Variants in PAPLN observed in about 807,000 individuals in gnomAD.
PAPLN encodes the protein papilin.
PAPLN carries 146 observed loss-of-function variants against 159.0 expected under a neutral mutation model. The observed-to-expected ratio is 0.92, with a 90% CI of 0.80 to 1.05. The LOEUF is 1.05. Ranked by LOEUF, PAPLN falls within the 50% of genes least tolerant of loss-of-function variation. The pLI is 0.00. For synonymous variants in PAPLN, 734 were observed against 702.9 expected (o/e 1.04, Z -0.70); for missense variants, 1,720 against 1,743.9 (o/e 0.99, Z 0.24).
At chr14:73,263,578 A>G in intron 19 of PAPLN, 67 bp from the exon 20 acceptor site, 1 of 1,601,788 alleles carries the variant, frequency 6.2e-7, no homozygotes, top group Non-Finnish European at 8.5e-7. Flanking sequence ...CATGGAACAC[A>G]CTGCTTAGGG....
rs1008320687 is a variant in PAPLN, at chr14:73,256,043, G to T, written c.1627+1025G>T. ...GGAAGGGGTGGTGGTGAGGCCTTGT[G>T]GGGGAGCTCGGCCATCCGGAGGGCC... On this transcript the variant is annotated intron_variant, in intron 14 of 26. Transcript: ENST00000644200. Among the ~76,000 whole-genome samples the T allele has an allele frequency of 3.3e-5, 5 of 152,204 alleles. No individual in the cohort carries two copies. In the South Asian group the frequency reaches 6.2e-4, roughly 19 times the overall value.
In PAPLN at chr14:73,262,827, G is replaced by A. The variant is rs1302864829; in HGVS notation, c.2723G>A (p.Arg908Lys). ...PAPPFHSSSY[R>K]ISLAGVEPSL... is the part of the protein sequence containing the mutation. ...CCACCCTTCCACAGCTCCTCCTACA[G>A]GTGAGGCCCACCTTCCCCAGGTGAG... Residue 908 changes from arginine (R) to lysine (K), a missense_variant and splice_region_variant, in exon 19 of 27, where the codon AGG becomes AAG. By Grantham distance (26) the Arg-to-Lys change is conservative (BLOSUM62 2). Coordinates refer to ENST00000644200, the MANE Select transcript of PAPLN (RefSeq NM_001365906.3). 6.8e-7 allele frequency: 1 copy of A among 1,469,868 alleles called. No individual in the cohort carries two copies. Among genetic ancestry groups the A allele is most frequent in the Non-Finnish European group, 9.0e-7 (1 of 1,112,830 alleles). The allele number at this position is 1,469,868 out of a possible 1,614,324, so 91.1% of individuals were successfully genotyped here. A position where few individuals can be genotyped will look rare whatever the true frequency, so the allele number is the denominator to read the frequency against.
chr14:73,245,913 C>G lies in PAPLN; in HGVS notation c.232-160C>G, dbSNP rs1321426862. 2.3e-6 allele frequency: 2 copies of G among 877,528 alleles called. No homozygotes were observed. Among genetic ancestry groups the G allele is most frequent in the Non-Finnish European group, 3.4e-6 (2 of 593,436 alleles). 54.4% of individuals were successfully genotyped at this position (877,528 alleles called of 1,614,324 possible). A position where few individuals can be genotyped will look rare whatever the true frequency, so the allele number is the denominator to read the frequency against. ...CAGCCTAGAGCACCATGGAGGGGCA[C>G]GCACAGGAGTTCGGGGGTCCGGGGG... On this transcript the variant is annotated intron_variant, in intron 4 of 26. Transcript: ENST00000644200. This position sits in a 1 kb window ranked among gnomAD's most constrained non-coding sequence, Gnocchi z 4.2.
chr14:73,254,590 C>T lies in PAPLN; in HGVS notation c.1380C>T (p.Thr460=), dbSNP rs200510647. Residue 460 remains threonine (T), a synonymous_variant, in exon 13 of 27, where the codon ACC becomes ACT. Coordinates refer to ENST00000644200, the MANE Select transcript of PAPLN (RefSeq NM_001365906.3). ...GTGAAAGGGGTTCTTTGCTCCATAC[C>T]GCAGCGTGCTCCTTGGAAGACCGGC... ...CRGERGSLLH[T]AACSLEDRPP... The T allele has an allele frequency of 3.7e-5, 60 of 1,614,064 alleles. No individual in the cohort carries two copies. The highest frequency in any genetic ancestry group is 2.5e-4 in the East Asian group (11 of 44,886).
At chr14:73,264,487 C>T in intron 21 of PAPLN, 101 bp from the exon 22 acceptor site, 1 of 1,519,444 alleles carries the variant, frequency 6.6e-7, no homozygotes, top group Non-Finnish European at 8.9e-7. Context: ...CACCCTGTGG[C>T]CCTCATTTCT....
At chr14:73,262,927 T>C in intron 19 of PAPLN, 100 bp downstream of exon 19, 1 of 1,100,970 alleles carries the variant, frequency 9.1e-7, no homozygotes, top group Non-Finnish European at 1.2e-6. Context: ...TCCCTCCCCA[T>C]CCCTAACTTC....
At chr14:73,267,698 G>A (rs922818102) in intron 25 of PAPLN, among the ~76,000 whole-genome samples, 1 of 152,246 alleles carries the variant, frequency 6.6e-6, no homozygotes, top group African/African-American at 2.4e-5. Context: ...CTTGAGCCCA[G>A]GGAAGGCGGT....
chr14:73,259,671 C>A, intron 16 of PAPLN, 126 bp downstream of exon 16: 1 of 1,237,016 alleles, frequency 8.1e-7, no homozygotes, highest in Non-Finnish European at 1.1e-6. Flanking sequence ...AATAGGATGC[C>A]CAAGCTTTCC....
At chr14:73,264,087 A>G in intron 20 of PAPLN, 124 bp from the exon 21 acceptor site, 1 of 1,557,064 alleles carries the variant, frequency 6.4e-7, no homozygotes, top group East Asian at 2.3e-5. Context: ...CCCCAGCCTC[A>G]CTTGGGGTGG....
At chr14:73,247,210 T>C (rs1380220872) in intron 5 of PAPLN, among the ~76,000 whole-genome samples, 2 of 152,082 alleles carry the variant, frequency 1.3e-5, no homozygotes, top group African/African-American at 4.8e-5. Context: ...ATCAAGGATC[T>C]GGGGGCCAGA....
In PAPLN at chr14:73,268,653, C is replaced by CT. The variant is rs752653091; in HGVS notation, c.3598dup (p.Tyr1200LeufsTer46). ...ACTTGCGGGCCAGGGATGAGGGCTC[C>CT]TACACGTGCAGTGCCTACCAGGGGA... is the stretch of plus-strand genomic sequence containing the variant. On this transcript the variant is annotated frameshift_variant, in exon 26 of 27. Coordinates refer to ENST00000644200, the MANE Select transcript of PAPLN (RefSeq NM_001365906.3). LOFTEE classifies it high-confidence loss of function. 8 of 1,614,044 alleles carry CT rather than the reference C, an allele frequency of 5.0e-6. No individual in the cohort carries two copies. The East Asian group carries it at 1.3e-4, about 27-fold the overall frequency.
intron 16 of PAPLN, 100 bp from the exon 17 acceptor site, chr14:73,260,609 C>T: frequency 6.0e-6 from 8 of 1,340,898 alleles, no homozygotes; most frequent in Non-Finnish European, 6.7e-6. Context: ...GGTCCCCACC[C>T]TGTCAGCCCC....
At chr14:73,251,960 C>A in intron 9 of PAPLN, 58 bp from the exon 10 acceptor site, 3 of 1,562,760 alleles carry the variant, frequency 1.9e-6, no homozygotes, top group South Asian at 1.2e-5. Context: ...TGTGAGGCTG[C>A]GGAGGGTGTG....
Position 73,264,204 on chromosome 14 carries a change from C to T in PAPLN, c.2862-7C>T, listed in dbSNP as rs113101015. 2,317 of 1,613,602 alleles carry T rather than the reference C, an allele frequency of 1.4e-3. 3 individuals are homozygous for T. The highest frequency in any genetic ancestry group is 1.9e-3 in the Non-Finnish European group (2,196 of 1,179,926). ...GAGCTCATGTCCTCCCACACCACCC[C>T]ACTCAGGCACAGGCTGCAGTTCGAC... On this transcript the variant is annotated splice_polypyrimidine_tract_variant and splice_region_variant and intron_variant, in intron 20 of 26. Transcript: ENST00000644200.
Position 73,264,724 on chromosome 14 carries a change from C to T in PAPLN, c.3123C>T (p.Asn1041=), listed in dbSNP as rs561482002. 3.1e-6 allele frequency: 5 copies of T among 1,612,744 alleles called. No homozygotes were observed. Among genetic ancestry groups the T allele is most frequent in the Non-Finnish European group, 4.2e-6 (5 of 1,179,826 alleles). ...AIPSSHPQPA[N]RLRLDQNQPR... is the part of the protein sequence containing the mutation. The stretch of plus-strand genomic sequence containing the variant: ...CCTCTTCACACCCACAGCCTGCAAA[C>T]AGGTAAGAACTCAGCAATGCCATCT... The change falls in exon 22 of 27, where the codon AAC becomes AAT. Residue 1041 remains asparagine, a splice_region_variant and synonymous_variant. Transcript: ENST00000644200.
intron 5 of PAPLN, among the ~76,000 whole-genome samples, chr14:73,248,451 T>C (rs768746266): frequency 6.6e-5 from 10 of 152,206 alleles, no homozygotes; most frequent in Non-Finnish European, 1.2e-4. Flanking sequence ...GGTATGGAGA[T>C]GATTATAATC....
At position 73,252,659 on chromosome 14, in the gene PAPLN, C is replaced by T; in HGVS notation, c.978C>T (p.Ser326=). 6.2e-7 allele frequency: 1 copy of T among 1,612,898 alleles called. No homozygotes were observed. Among genetic ancestry groups the T allele is most frequent in the Non-Finnish European group, 8.5e-7 (1 of 1,179,930 alleles). The change falls in exon 11 of 27, where the codon TCC becomes TCT. Residue 326 remains serine, a synonymous_variant. Transcript: ENST00000644200. Reference sequence around the variant, plus strand: ...TGGGCCTCTGCGCAGGTCACCAGTCCCGCCTGGTGTTCTGCACCATCGACC... The same window carrying T: ...TGGGCCTCTGCGCAGGTCACCAGTCTCGCCTGGTGTTCTGCACCATCGACC... ...CSAECGGGHQ[S]RLVFCTIDHE...
At chr14:73,262,012 T>G in intron 18 of PAPLN, 1 of 280,870 alleles carries the variant, frequency 3.6e-6, no homozygotes, top group Non-Finnish European at 6.6e-6. Flanking sequence ...AGGGTCACCC[T>G]CTGGGCTCAC....
At position 73,250,026 on chromosome 14, in the gene PAPLN, ACTT is replaced by A; in HGVS notation, c.380_382del (p.Phe127del). 3.7e-6 allele frequency: 6 copies of A among 1,612,950 alleles called. No homozygotes were observed. Among genetic ancestry groups the A allele is most frequent in the South Asian group, 2.2e-5 (2 of 90,902 alleles). On this transcript the variant is annotated inframe_deletion, in exon 6 of 27. Transcript: ENST00000644200. ...CTGAACTGCATTCCCAAGGGGGAGAACTTCTACTACAAGCACAGGGAGGCTGTG... is the reference window on the plus strand; with the variant it reads ...CTGAACTGCATTCCCAAGGGGGAGAACTACTACAAGCACAGGGAGGCTGTG...
Sources: gnomAD v4.1 joint callset for allele counts (sites outside exome capture counted in the v4.1 genomes callset) on GRCh38, gnomAD v4.1.1 for gene constraint, Gnocchi (gnomAD v3.1) non-coding constraint, MANE v1.5 for transcripts, NCBI Gene and HGNC (gene_info 2026-07-23, HGNC 2026-07-21) for gene names.